PCDHA12: variants seen among roughly 807,000 people sequenced by gnomAD.
The protein encoded by PCDHA12 is protocadherin alpha 12, also known as protocadherin alpha-12.
PCDHA12 carries 44 observed loss-of-function variants against 60.0 expected under a neutral mutation model. The ratio of observed to expected loss-of-function variants is 0.73; its 90% CI spans 0.58 to 0.94. PCDHA12 has a LOEUF of 0.94. Among genes scored for constraint, PCDHA12 ranks in the 40% least tolerant of loss-of-function variants. The pLI, the probability that PCDHA12 is intolerant of heterozygous loss-of-function variation, is 0.00. For synonymous variants in PCDHA12, 569 were observed against 553.0 expected, an observed-to-expected ratio of 1.03 and a Z score of -0.40; for missense variants, 1,276 against 1,239.7, an observed-to-expected ratio of 1.03 and a Z score of -0.44.
chr5:140,983,329 A>G (rs1359569826), intron 3 of PCDHA12, among the ~76,000 whole-genome samples: 8 of 152,228 alleles, frequency 5.3e-5, no homozygotes, highest in Admixed American at 6.5e-5. Flanking sequence ...TTCTTGCCCT[A>G]TCACTAAAGC....
At chr5:140,939,537 C>T (rs2092406859) in intron 1 of PCDHA12, among the ~76,000 whole-genome samples, 1 of 150,686 alleles carries the variant, frequency 6.6e-6, no homozygotes, top group Non-Finnish European at 1.5e-5. Context: ...TATACAGAGC[C>T]TCTATTTCTT....
chr5:140,928,226 T>G, intron 1 of PCDHA12: 1 of 1,614,178 alleles, frequency 6.2e-7, no homozygotes, highest in African/African-American at 1.3e-5. Context: ...ACACCAAACT[T>G]TCCTCAACCC....
At chr5:140,999,173 T>G (rs892201477) in intron 3 of PCDHA12, among the ~76,000 whole-genome samples, 20 of 152,158 alleles carry the variant, frequency 1.3e-4, no homozygotes, top group African/African-American at 4.3e-4. Context: ...GAAAAGAGCC[T>G]GATGGGGAGA....
chr5:140,968,285 T>A, intron 1 of PCDHA12: 1 of 1,614,006 alleles, frequency 6.2e-7, no homozygotes, highest in Non-Finnish European at 8.5e-7. Flanking sequence ...GGTGACCTAC[T>A]CCCTTCTGGA....
rs375481139 is a variant in PCDHA12 at position 140,894,977 on chromosome 5, C to T, written c.2367+17138C>T. ...AAAAATATAATTTTTTAATGTCTTA[C>T]TTTGTGACATCCTTTACCCTTTTTA... On this transcript the variant is annotated intron_variant, in intron 1 of 3. Coordinates refer to ENST00000398631, the MANE Select transcript of PCDHA12 (RefSeq NM_018903.4). Among the ~76,000 whole-genome samples the T allele has an allele frequency of 4.5e-4, 69 of 152,216 alleles. No homozygotes were observed. The South Asian group carries it at 0.014, about 30-fold the overall frequency.
chr5:140,934,511 T>A (rs999288213), intron 1 of PCDHA12, among the ~76,000 whole-genome samples: 1 of 152,210 alleles, frequency 6.6e-6, no homozygotes, highest in African/African-American at 2.4e-5. Context: ...AAAGGGTCCA[T>A]AGACCACACT....
At chr5:140,994,561 C>T (rs967006511) in intron 3 of PCDHA12, among the ~76,000 whole-genome samples, 2 of 151,800 alleles carry the variant, frequency 1.3e-5, no homozygotes, top group East Asian at 1.9e-4. Context: ...AAAAATTAGC[C>T]GGGTGTGGTG....
chr5:140,928,478 A>G (rs1554205922), intron 1 of PCDHA12: 1 of 1,614,132 alleles, frequency 6.2e-7, no homozygotes, highest in East Asian at 2.2e-5. Context: ...GAAGGCCGGG[A>G]TGGTGGCATT....
chr5:140,915,328 A>G (rs1554196854), intron 1 of PCDHA12, among the ~76,000 whole-genome samples: 1 of 152,100 alleles, frequency 6.6e-6, no homozygotes. Context: ...CAGTGTTATA[A>G]TATTCTGTGT....
intron 1 of PCDHA12, among the ~76,000 whole-genome samples, chr5:140,948,960 G>A (rs900113633): frequency 5.9e-5 from 9 of 151,550 alleles, no homozygotes; most frequent in Non-Finnish European, 1.2e-4. Context: ...TTAAAGCCAC[G>A]AATTTATTAG....
intron 1 of PCDHA12, among the ~76,000 whole-genome samples, chr5:140,910,495 T>C (rs782513326): frequency 1.3e-5 from 2 of 152,176 alleles, no homozygotes; most frequent in Non-Finnish European, 2.9e-5. Flanking sequence ...AGAAGAGCAA[T>C]CACAAAGCTC....
At chr5:140,945,369 A>T (rs2153669585) in intron 1 of PCDHA12, among the ~76,000 whole-genome samples, 1 of 152,234 alleles carries the variant, frequency 6.6e-6, no homozygotes, top group African/African-American at 2.4e-5. Flanking sequence ...TAAAATGTCC[A>T]TATTACCCAA....
At chr5:141,003,423 T>G (rs1278383006) in intron 3 of PCDHA12, among the ~76,000 whole-genome samples, 1 of 152,164 alleles carries the variant, frequency 6.6e-6, no homozygotes, top group Non-Finnish European at 1.5e-5. Context: ...GTGATTCTTA[T>G]GCCTCAGCCT....
intron 1 of PCDHA12, among the ~76,000 whole-genome samples, chr5:140,921,599 G>A (rs2080288942): frequency 6.6e-6 from 1 of 152,036 alleles, no homozygotes; most frequent in African/African-American, 2.4e-5. Flanking sequence ...GGTTTCAAAG[G>A]TAATAAGAAA....
chr5:140,996,737 T>G (rs887382236), intron 3 of PCDHA12, among the ~76,000 whole-genome samples: 3 of 152,166 alleles, frequency 2.0e-5, no homozygotes, highest in Non-Finnish European at 2.9e-5. Context: ...ACAAAAGTCA[T>G]AACAAATTAT....
chr5:141,007,366 CATG>C (rs1319534619), intron 3 of PCDHA12, among the ~76,000 whole-genome samples: 13 of 118,904 alleles, frequency 1.1e-4, no homozygotes, highest in Admixed American at 7.7e-4. Flanking sequence ...GCCTGGGCAA[CATG>C]ATGGAACACC....
chr5:140,950,862 A>G (rs2094526538), intron 1 of PCDHA12, among the ~76,000 whole-genome samples: 1 of 151,952 alleles, frequency 6.6e-6, no homozygotes, highest in African/African-American at 2.4e-5. Context: ...ATATTCTTGT[A>G]TATTCTATAT....
chr5:140,906,827 G>C (rs2153497509), intron 1 of PCDHA12, among the ~76,000 whole-genome samples: 1 of 152,308 alleles, frequency 6.6e-6, no homozygotes, highest in South Asian at 2.1e-4. Flanking sequence ...TGGAGTAGTA[G>C]ACTGATTTCA....
intron 1 of PCDHA12, among the ~76,000 whole-genome samples, chr5:140,922,677 G>C (rs545719033): frequency 6.6e-6 from 1 of 152,306 alleles, no homozygotes; most frequent in Admixed American, 6.5e-5. Flanking sequence ...CAGTAAAAAA[G>C]TGAACAGGCT....
Sources: allele counts gnomAD v4.1 joint callset (sites outside exome capture counted in the v4.1 genomes callset), GRCh38; gene constraint gnomAD v4.1.1; transcripts MANE v1.5; gene names NCBI Gene and HGNC (gene_info 2026-07-23, HGNC 2026-07-21).